The following SCAMP1 variants were observed in gnomAD, a reference collection of about 807,000 sequenced individuals.
SCAMP1 encodes the protein secretory carrier-associated membrane protein 1.
A neutral mutation model predicts 41.8 loss-of-function variants in SCAMP1; 15 were observed. The ratio of observed to expected loss-of-function variants is 0.36; its 90% CI spans 0.24 to 0.55. SCAMP1 has a LOEUF of 0.55. Ranked by LOEUF, SCAMP1 falls within the 20% of genes least tolerant of loss-of-function variation. The probability of loss-of-function intolerance (pLI) is 0.86; values close to 1 mark genes in which losing one functional copy is unlikely to be tolerated. For synonymous variants in SCAMP1, 135 were observed against 136.8 expected (o/e 0.99, Z 0.09); for missense variants, 341 against 412.6 (o/e 0.83, Z 1.50).
At chr5:78,367,971 A>C (rs1001604829) in intron 1 of SCAMP1, among the ~76,000 whole-genome samples, 2 of 151,990 alleles carry the variant, frequency 1.3e-5, no homozygotes, top group African/African-American at 4.8e-5. Flanking sequence ...ATTTTTTTCT[A>C]TAAGAATGAG....
chr5:78,378,809 C>A (rs2112065658), intron 1 of SCAMP1, among the ~76,000 whole-genome samples: 1 of 152,224 alleles, frequency 6.6e-6, no homozygotes, highest in East Asian at 1.9e-4. Flanking sequence ...AATACAGAAG[C>A]CAAGTATGAT....
chr5:78,458,669 C>T (rs759492771), intron 7 of SCAMP1, among the ~76,000 whole-genome samples: 9 of 152,150 alleles, frequency 5.9e-5, no homozygotes, highest in Non-Finnish European at 1.3e-4. Context: ...ATCACGAGGT[C>T]AGGAGTTCGA....
chr5:78,454,666 A>C (rs970752513), intron 7 of SCAMP1, among the ~76,000 whole-genome samples: 8 of 152,256 alleles, frequency 5.3e-5, no homozygotes, highest in Admixed American at 2.0e-4. Context: ...TGTCTCTGCC[A>C]GGCTTTGGTA....
At chr5:78,372,866 C>T (rs1750973408) in intron 1 of SCAMP1, among the ~76,000 whole-genome samples, 1 of 151,944 alleles carries the variant, frequency 6.6e-6, no homozygotes, top group Non-Finnish European at 1.5e-5. Flanking sequence ...TTACATGTTG[C>T]AACAAAAGAT....
At position 78,451,866 on chromosome 5, in the gene SCAMP1, G is replaced by A. The variant is rs184537431; in HGVS notation, c.734+1832G>A. On this transcript the variant is annotated intron_variant, in intron 7 of 8. Coordinates refer to ENST00000621999, the MANE Select transcript of SCAMP1 (RefSeq NM_004866.6). ...GACAGGATTTCGCCATGTTGCCCAG[G>A]CAGGTCTTGAAGTCCTGGCCTCGTG... Among the ~76,000 whole-genome samples the A allele has an allele frequency of 2.4e-3, 372 of 152,304 alleles. 1 individual carries two copies. The highest frequency in any genetic ancestry group is 6.5e-3 in the Admixed American group (99 of 15,290).
intron 6 of SCAMP1, among the ~76,000 whole-genome samples, chr5:78,438,536 C>G (rs1407026451): frequency 6.6e-6 from 1 of 152,172 alleles, no homozygotes; most frequent in Non-Finnish European, 1.5e-5. Flanking sequence ...GAGTGAGATT[C>G]TTAATCCTGA....
At chr5:78,439,572 G>A (rs771448494) in intron 6 of SCAMP1, among the ~76,000 whole-genome samples, 8 of 152,118 alleles carry the variant, frequency 5.3e-5, no homozygotes, top group Non-Finnish European at 1.0e-4. Context: ...TAGGGTTTTT[G>A]CCGAGAGATC....
intron 8 of SCAMP1, among the ~76,000 whole-genome samples, chr5:78,475,047 A>G (rs1483451893): frequency 6.6e-6 from 1 of 152,196 alleles, no homozygotes; most frequent in Admixed American, 6.5e-5. Flanking sequence ...AAATGATAAA[A>G]TGATCTCATT....
chr5:78,447,947 C>G (rs886266626), intron 6 of SCAMP1, among the ~76,000 whole-genome samples: 22 of 67,740 alleles, frequency 3.2e-4, no homozygotes, highest in African/African-American at 1.4e-3. Context: ...CTCCTTCCCC[C>G]TCTTTCCCTG....
chr5:78,418,775 G>A lies in SCAMP1; in HGVS notation c.344G>A (p.Gly115Asp), dbSNP rs1463057994. 1 of 1,509,978 alleles carries A rather than the reference G, an allele frequency of 6.6e-7. No homozygotes were observed. Among genetic ancestry groups the A allele is most frequent in the South Asian group, 1.3e-5 (1 of 77,350 alleles). The allele number at this position is 1,509,978 out of a possible 1,614,324, so 93.5% of individuals were successfully genotyped here. A position where few individuals can be genotyped will look rare whatever the true frequency, so the allele number is the denominator to read the frequency against. The change falls in exon 5 of 9, where the codon GGT becomes GAT. Residue 115 changes from glycine to aspartate, a missense_variant and splice_region_variant. Gly to Asp is a moderately conservative substitution (Grantham distance 94, BLOSUM62 -1). Coordinates refer to ENST00000621999, the MANE Select transcript of SCAMP1 (RefSeq NM_004866.6). ...TTCTTTTTCTAAAAAAAATTTACAG[G>A]TAGAAAAAATAATTGGCCACCTCTT... ...EREMQNLSQH[G>D]RKNNWPPLPS...
intron 2 of SCAMP1, among the ~76,000 whole-genome samples, chr5:78,390,657 CTTTTTTTTT>C (rs1003765684): frequency 7.3e-6 from 1 of 137,478 alleles, no homozygotes; most frequent in Non-Finnish European, 1.6e-5. Context: ...ATTTTTTTTT[CTTTTTTTTT>C]TTTTTATTGA....
At chr5:78,405,593 A>G (rs1399031059) in intron 2 of SCAMP1, among the ~76,000 whole-genome samples, 1 of 152,176 alleles carries the variant, frequency 6.6e-6, no homozygotes, top group Non-Finnish European at 1.5e-5. Flanking sequence ...GCCTTTTAAG[A>G]TGCTCTAGAA....
chr5:78,439,541 C>T (rs1752861676), intron 6 of SCAMP1, among the ~76,000 whole-genome samples: 1 of 152,170 alleles, frequency 6.6e-6, no homozygotes, highest in Non-Finnish European at 1.5e-5. Flanking sequence ...TGAATATTGG[C>T]CCCTACTCTC....
Position 78,479,848 on chromosome 5 carries a change from C to G in SCAMP1, c.*4180C>G, listed in dbSNP as rs1211317870. Among the ~76,000 whole-genome samples the G allele has an allele frequency of 1.3e-5, 2 of 151,986 alleles. No individual in the cohort carries two copies. Among genetic ancestry groups the G allele is most frequent in the Non-Finnish European group, 2.9e-5 (2 of 68,008 alleles). On this transcript the variant is annotated 3_prime_UTR_variant, in exon 9 of 9. Transcript: ENST00000621999. ...ACGAGGTCAGGAGATCGAAACCATC[C>G]TGGCTAACATGGTGAAACCCCATCT... is the stretch of plus-strand genomic sequence containing the variant.
intron 7 of SCAMP1, among the ~76,000 whole-genome samples, chr5:78,452,587 A>G (rs1753266635): frequency 6.7e-6 from 1 of 148,360 alleles, no homozygotes; most frequent in Non-Finnish European, 1.5e-5. Flanking sequence ...CCAGTCTATC[A>G]TTGTTGGACA....
rs1358821363 is a variant in SCAMP1, at chr5:78,459,351, A to G, written c.841A>G (p.Met281Val). ...AGCATCAGCAGTCATCTCACTAGTT[A>G]TGTTCAAAAAAGTAAGTGAAATTTT... ...FTASAVISLV[M>V]FKKVHGLYRT... The change falls in exon 8 of 9, where the codon ATG (methionine) becomes GTG (valine). Residue 281 changes from methionine to valine, a missense_variant. By Grantham distance (21) the Met-to-Val change is conservative. Coordinates refer to ENST00000621999, the MANE Select transcript of SCAMP1 (RefSeq NM_004866.6). 2.0e-6 allele frequency: 3 copies of G among 1,513,886 alleles called. No homozygotes were observed. Among genetic ancestry groups the G allele is most frequent in the African/African-American group, 2.7e-5 (2 of 72,736 alleles). 93.8% of individuals were successfully genotyped at this position (1,513,886 alleles called of 1,614,324 possible). A position where few individuals can be genotyped will look rare whatever the true frequency, so the allele number is the denominator to read the frequency against.
intron 8 of SCAMP1, 75 bp from the exon 9 acceptor site, chr5:78,475,429 G>A (rs1014163348): frequency 5.4e-6 from 6 of 1,105,740 alleles, no homozygotes; most frequent in Non-Finnish European, 7.5e-6. Flanking sequence ...TTTGATTAAT[G>A]TTGAGATTAA....
At chr5:78,440,555 A>T (rs1467910092) in intron 6 of SCAMP1, among the ~76,000 whole-genome samples, 1 of 152,076 alleles carries the variant, frequency 6.6e-6, no homozygotes, top group Non-Finnish European at 1.5e-5. Context: ...TTGCTGCCTG[A>T]TCCTTCCTCT....
rs368278720 is a variant in SCAMP1, at chr5:78,449,912, C to T, written c.633-21C>T. The T allele has an allele frequency of 2.0e-4, 263 of 1,335,970 alleles. No individual in the cohort carries two copies. The African/African-American group carries it at 2.9e-3, about 15-fold the overall frequency. 82.8% of individuals were successfully genotyped at this position (1,335,970 alleles called of 1,614,324 possible). A position where few individuals can be genotyped will look rare whatever the true frequency, so the allele number is the denominator to read the frequency against. On this transcript the variant is annotated intron_variant, in intron 6 of 8. Transcript: ENST00000621999. The stretch of plus-strand genomic sequence containing the variant: ...CTCCCCCTAACCCCCTTTTTTCTTT[C>T]TTTCTTTTTTTTTTTCAAAGGAGTG...
Sources: gnomAD v4.1 joint callset for allele counts (sites outside exome capture counted in the v4.1 genomes callset) on GRCh38, gnomAD v4.1.1 for gene constraint, MANE v1.5 for transcripts, NCBI Gene and HGNC (gene_info 2026-07-23, HGNC 2026-07-21) for gene names.